The following TSPAN13 variants were observed in gnomAD, a reference collection of about 807,000 sequenced individuals.
TSPAN13 encodes tetraspanin 13, also known as tetraspanin-13.
A neutral mutation model predicts 26.9 loss-of-function variants in TSPAN13; 18 were observed. That is an observed-to-expected ratio of 0.67 (90% confidence interval 0.46 to 0.99). The LOEUF is 0.99. Ranked by LOEUF, TSPAN13 falls within the 50% of genes least tolerant of loss-of-function variation. The pLI, the probability that TSPAN13 is intolerant of heterozygous loss-of-function variation, is 0.00. For synonymous variants in TSPAN13, 116 were observed against 98.4 expected, an observed-to-expected ratio of 1.18 and a Z score of -1.06; for missense variants, 201 against 249.6, an observed-to-expected ratio of 0.81 and a Z score of 1.31.
intron 1 of TSPAN13, among the ~76,000 whole-genome samples, chr7:16,770,114 T>C (rs1784656626): frequency 6.6e-6 from 1 of 151,846 alleles, no homozygotes; most frequent in Non-Finnish European, 1.5e-5. Context: ...TTTTTTAAGT[T>C]TGCATTTTTA....
At position 16,783,989 on chromosome 7, in the gene TSPAN13, G is replaced by A. The variant is rs1441339531; in HGVS notation, c.*498G>A. 2.6e-5 allele frequency: 4 copies of A among 152,576 alleles called. No individual in the cohort carries two copies. Among genetic ancestry groups the A allele is most frequent in the Non-Finnish European group, 5.9e-5 (4 of 68,220 alleles). 9.5% of individuals were successfully genotyped at this position (152,576 alleles called of 1,614,324 possible). A position where few individuals can be genotyped will look rare whatever the true frequency, so the allele number is the denominator to read the frequency against. On this transcript the variant is annotated 3_prime_UTR_variant, in exon 6 of 6. Coordinates refer to ENST00000262067, the MANE Select transcript of TSPAN13 (RefSeq NM_014399.4). The stretch of plus-strand genomic sequence containing the variant: ...TGGTCTTTTTAGGAAAGATTGTTGT[G>A]GTAAAAAGTGTTAGTATAAAAATGA...
intron 1 of TSPAN13, among the ~76,000 whole-genome samples, chr7:16,770,207 T>C (rs546331090): frequency 6.6e-6 from 1 of 151,378 alleles, no homozygotes; most frequent in African/African-American, 2.4e-5. Context: ...TATTATTTTA[T>C]TATTATTATT....
In TSPAN13 at chr7:16,784,293, C is replaced by T. The variant is rs1289618445; in HGVS notation, c.*802C>T. On this transcript the variant is annotated 3_prime_UTR_variant, in exon 6 of 6. Transcript: ENST00000262067. ...AAACAAGTTAGTATTAATGCGTTGG[C>T]CCACGTAGCAAAAAGATATTTGATT... 2.0e-5 allele frequency: 3 copies of T among 152,064 alleles called. No individual in the cohort carries two copies. Among genetic ancestry groups the T allele is most frequent in the South Asian group, 2.1e-4 (1 of 4,824 alleles). The allele number at this position is 152,064 out of a possible 1,614,324, so 9.4% of individuals were successfully genotyped here.
intron 3 of TSPAN13, 25 bp downstream of exon 3, chr7:16,777,147 C>G: frequency 6.6e-7 from 1 of 1,513,118 alleles, no homozygotes; most frequent in South Asian, 1.1e-5. Flanking sequence ...TTTTCTTCTA[C>G]TTTATTATAC....
At chr7:16,758,251 T>TA (rs1400039235) in intron 1 of TSPAN13, among the ~76,000 whole-genome samples, 2 of 152,162 alleles carry the variant, frequency 1.3e-5, no homozygotes, top group Non-Finnish European at 2.9e-5. Flanking sequence ...ATCTGTTAGA[T>TA]AAAAAACATA....
At chr7:16,769,684 AT>A (rs1254174731) in intron 1 of TSPAN13, among the ~76,000 whole-genome samples, 1 of 151,060 alleles carries the variant, frequency 6.6e-6, no homozygotes, top group Non-Finnish European at 1.5e-5. Flanking sequence ...GATTTTTTGG[AT>A]TTCCTTTGTA....
At chr7:16,769,982 C>A (rs1784655358) in intron 1 of TSPAN13, among the ~76,000 whole-genome samples, 1 of 151,862 alleles carries the variant, frequency 6.6e-6, no homozygotes, top group Non-Finnish European at 1.5e-5. Flanking sequence ...TATTATTAAC[C>A]TTTCTCTTAA....
At chr7:16,769,073 G>A (rs559702873) in intron 1 of TSPAN13, among the ~76,000 whole-genome samples, 14 of 152,136 alleles carry the variant, frequency 9.2e-5, no homozygotes, top group East Asian at 5.8e-4. Context: ...TGATCATCCC[G>A]CCTTGGCTTC....
At chr7:16,774,790 T>G (rs1475360961) in intron 1 of TSPAN13, among the ~76,000 whole-genome samples, 1 of 152,190 alleles carries the variant, frequency 6.6e-6, no homozygotes, top group South Asian at 2.1e-4. Context: ...AACTCTCTAA[T>G]TTGATTATAT....
At chr7:16,766,605 A>G (rs1030017105) in intron 1 of TSPAN13, among the ~76,000 whole-genome samples, 6 of 152,176 alleles carry the variant, frequency 3.9e-5, no homozygotes, top group Non-Finnish European at 8.8e-5. Context: ...TCTTTCCTAA[A>G]TTGGAACAAA....
At chr7:16,766,413 G>A (rs181013136) in intron 1 of TSPAN13, among the ~76,000 whole-genome samples, 129 of 152,330 alleles carry the variant, frequency 8.5e-4, no homozygotes, top group African/African-American at 2.9e-3. Context: ...GTGTGCATGT[G>A]TGTGCATATG....
At chr7:16,757,771 A>T (rs898120767) in intron 1 of TSPAN13, among the ~76,000 whole-genome samples, 1 of 152,176 alleles carries the variant, frequency 6.6e-6, no homozygotes, top group Non-Finnish European at 1.5e-5. Context: ...ATTATACTGA[A>T]TTACTTCATA....
Position 16,783,510 on chromosome 7 carries a change from T to G in TSPAN13, c.*19T>G. ...CCTTTGATGAGAAAACAAGGAAGAT[T>G]TCCTTTCGTATTATGATCTTGTTCA... On this transcript the variant is annotated 3_prime_UTR_variant, in exon 6 of 6. Transcript: ENST00000262067. 1 of 1,607,356 alleles carries G rather than the reference T, an allele frequency of 6.2e-7. No homozygotes were observed. Among genetic ancestry groups the G allele is most frequent in the East Asian group, 2.2e-5 (1 of 44,864 alleles).
At chr7:16,763,048 T>C (rs929718703) in intron 1 of TSPAN13, among the ~76,000 whole-genome samples, 8 of 152,136 alleles carry the variant, frequency 5.3e-5, no homozygotes, top group African/African-American at 1.9e-4. Flanking sequence ...CCCCACCTAG[T>C]CTGCAGGCAA....
At chr7:16,775,627 T>A (rs1377621089) in intron 1 of TSPAN13, 2 of 152,248 alleles carry the variant, frequency 1.3e-5, no homozygotes, top group African/African-American at 2.4e-5. Flanking sequence ...TGAAAAGATG[T>A]GGGTCCTTAC....
intron 4 of TSPAN13, among the ~76,000 whole-genome samples, chr7:16,778,151 A>C (rs1271179731): frequency 6.6e-6 from 1 of 152,136 alleles, no homozygotes; most frequent in Non-Finnish European, 1.5e-5. Flanking sequence ...ATTGTCCCTA[A>C]TTTCTTCCCA....
At chr7:16,754,152 A>C in intron 1 of TSPAN13, 122 bp downstream of exon 1, 1 of 935,480 alleles carries the variant, frequency 1.1e-6, no homozygotes, top group Non-Finnish European at 1.5e-6. Flanking sequence ...CCGGCTTCCC[A>C]CGTCTGCGCG....
Position 16,783,807 on chromosome 7 carries a change from G to A in TSPAN13, c.*316G>A, listed in dbSNP as rs549150529. On this transcript the variant is annotated 3_prime_UTR_variant, in exon 6 of 6. Coordinates refer to ENST00000262067, the MANE Select transcript of TSPAN13 (RefSeq NM_014399.4). ...AACTTTGTATGGTACCACTGTGTTG[G>A]TTATATGGTGAATCTGAACGTACAT... 2 of 326,922 alleles carry A rather than the reference G, an allele frequency of 6.1e-6. No individual in the cohort carries two copies. The highest frequency in any genetic ancestry group is 1.1e-5 in the Non-Finnish European group (2 of 174,682). 20.3% of individuals were successfully genotyped at this position (326,922 alleles called of 1,614,324 possible).
At position 16,783,437 on chromosome 7, in the gene TSPAN13, C is replaced by T; in HGVS notation, c.561C>T (p.Thr187=). ...SFTEILGVWL[T]YRYRNQKDPR... ...TCCAGATCCTGGGTGTTTGGCTGAC[C>T]TACAGATACAGGAACCAGAAAGACC... The change falls in exon 6 of 6, where the codon ACC becomes ACT. Residue 187 remains threonine, a synonymous_variant. Coordinates refer to ENST00000262067, the MANE Select transcript of TSPAN13 (RefSeq NM_014399.4). 6.2e-7 allele frequency: 1 copy of T among 1,613,158 alleles called. No homozygotes were observed.
Sources: gnomAD v4.1 joint callset for allele counts (sites outside exome capture counted in the v4.1 genomes callset) on GRCh38, gnomAD v4.1.1 for gene constraint, MANE v1.5 for transcripts, NCBI Gene and HGNC (gene_info 2026-07-23, HGNC 2026-07-21) for gene names.